Variants in TMCC1 observed in about 807,000 individuals in gnomAD.
TMCC1 encodes transmembrane and coiled-coil domains protein 1.
Under a neutral mutation model 52.4 loss-of-function variants are expected in TMCC1, and 15 were observed. The ratio of observed to expected loss-of-function variants is 0.29; its 90% CI spans 0.19 to 0.44. The LOEUF is 0.44. TMCC1 is among the 20% of genes least tolerant of loss of function. TMCC1 has a pLI of 1.00. For synonymous variants in TMCC1, 279 were observed against 301.9 expected (o/e 0.92, Z 0.79); for missense variants, 503 against 806.0 (o/e 0.62, Z 4.55).
intron 2 of TMCC1, among the ~76,000 whole-genome samples, chr3:129,850,203 C>T (rs1264267187): frequency 6.6e-6 from 1 of 152,174 alleles, no homozygotes; most frequent in Non-Finnish European, 1.5e-5. Flanking sequence ...AACAATTCAA[C>T]TAAACAAATG....
intron 4 of TMCC1, among the ~76,000 whole-genome samples, chr3:129,729,246 T>A (rs1210476734): frequency 6.6e-6 from 1 of 152,228 alleles, no homozygotes; most frequent in African/African-American, 2.4e-5. Context: ...TGTCAGTTTT[T>A]TATTTTAGTC....
chr3:129,671,597 A>C (rs777682845), intron 4 of TMCC1, among the ~76,000 whole-genome samples: 7 of 152,166 alleles, frequency 4.6e-5, no homozygotes, highest in Non-Finnish European at 1.0e-4. Context: ...TTTACACATA[A>C]TTTTTATTCA....
At chr3:129,809,246 CAAAAAAAAAAA>C (rs11418962) in intron 4 of TMCC1, among the ~76,000 whole-genome samples, 1 of 91,414 alleles carries the variant, frequency 1.1e-5, no homozygotes, top group African/African-American at 5.0e-5. Context: ...GATTCCATCT[CAAAAAAAAAAA>C]AAAAAAAAAA....
chr3:129,806,390 G>A (rs757514334), intron 4 of TMCC1, among the ~76,000 whole-genome samples: 4 of 152,190 alleles, frequency 2.6e-5, no homozygotes, highest in Admixed American at 2.0e-4. Flanking sequence ...CTTCCACCTC[G>A]TCTTATGGAA....
chr3:129,665,508 C>T (rs903264698), intron 5 of TMCC1, among the ~76,000 whole-genome samples: 4 of 152,186 alleles, frequency 2.6e-5, no homozygotes, highest in East Asian at 1.9e-4. Context: ...CACTGCTGTA[C>T]TGGCCTAGGA....
chr3:129,678,964 T>C (rs1378131303), intron 4 of TMCC1, among the ~76,000 whole-genome samples: 5 of 152,206 alleles, frequency 3.3e-5, no homozygotes, highest in African/African-American at 1.2e-4. Context: ...GACACTCTTT[T>C]TATACCTGTA....
Position 129,859,377 on chromosome 3 carries a change from A to C in TMCC1, c.-184+20932T>G, listed in dbSNP as rs1355268670. Among the ~76,000 whole-genome samples, 9 of 152,292 alleles carry C rather than the reference A, an allele frequency of 5.9e-5. 1 individual carries two copies. Among genetic ancestry groups the C allele is most frequent in the Non-Finnish European group, 1.3e-4 (9 of 68,020 alleles). ...GGCTGGGTGTGATAGCTCACGCGTT[A>C]TCCCAGCACTTTGTTTTGGGAGGCT... is the stretch of plus-strand genomic sequence containing the variant. On this transcript the variant is annotated intron_variant, in intron 2 of 6. Transcript: ENST00000393238.
chr3:129,735,597 TA>T (rs1349306526), intron 4 of TMCC1, among the ~76,000 whole-genome samples: 1 of 146,290 alleles, frequency 6.8e-6, no homozygotes, highest in Non-Finnish European at 1.5e-5. Context: ...TGCTGTGAAC[TA>T]TGATTGTGCC....
intron 2 of TMCC1, among the ~76,000 whole-genome samples, chr3:129,858,056 G>A (rs1480818969): frequency 6.6e-6 from 1 of 151,824 alleles, no homozygotes; most frequent in Non-Finnish European, 1.5e-5. Flanking sequence ...TCTAAACAAA[G>A]GGAAGTTTTA....
At chr3:129,885,747 G>T (rs995834520) in intron 1 of TMCC1, among the ~76,000 whole-genome samples, 34 of 151,712 alleles carry the variant, frequency 2.2e-4, no homozygotes, top group Non-Finnish European at 4.3e-4. Flanking sequence ...AGGTTTTTTT[G>T]TTTGTTTGTT....
At chr3:129,691,396 G>C (rs1279377614) in intron 4 of TMCC1, among the ~76,000 whole-genome samples, 1 of 151,692 alleles carries the variant, frequency 6.6e-6, no homozygotes, top group Non-Finnish European at 1.5e-5. Flanking sequence ...ATCTGGACCA[G>C]TGAGGTTTTG....
rs116893915 is a variant in TMCC1, at chr3:129,801,794, C to T, written c.576+26009G>A. Among the ~76,000 whole-genome samples the T allele has an allele frequency of 4.3e-4, 65 of 152,352 alleles. No homozygotes were observed. The East Asian group carries it at 0.011, about 26-fold the overall frequency. Reference sequence around the variant, plus strand: ...GGGTAGATGCTAACATATGATCCTACACTCAAGATTCGGCCTAAATTCATT... The same window carrying T: ...GGGTAGATGCTAACATATGATCCTATACTCAAGATTCGGCCTAAATTCATT... On this transcript the variant is annotated intron_variant, in intron 4 of 6. Coordinates refer to ENST00000393238, the MANE Select transcript of TMCC1 (RefSeq NM_001017395.5).
At chr3:129,699,939 C>T (rs531061401) in intron 4 of TMCC1, among the ~76,000 whole-genome samples, 1 of 151,776 alleles carries the variant, frequency 6.6e-6, no homozygotes, top group Non-Finnish European at 1.5e-5. Context: ...TGAAACAAAA[C>T]AAAAAAACCT....
intron 4 of TMCC1, among the ~76,000 whole-genome samples, chr3:129,799,091 A>G (rs2057026147): frequency 6.6e-6 from 1 of 152,226 alleles, no homozygotes; most frequent in South Asian, 2.1e-4. Context: ...GATGTTGGTG[A>G]TCAAAAATTT....
chr3:129,784,363 G>C (rs1010302434), intron 4 of TMCC1, among the ~76,000 whole-genome samples: 1 of 150,836 alleles, frequency 6.6e-6, no homozygotes, highest in Non-Finnish European at 1.5e-5. Context: ...CGGATCACGA[G>C]GTCAGGAAAT....
chr3:129,764,733 TTGTG>T (rs150255907), intron 4 of TMCC1, among the ~76,000 whole-genome samples: 10 of 58,058 alleles, frequency 1.7e-4, no homozygotes, highest in African/African-American at 4.0e-4. Context: ...TCCTATAATA[TTGTG>T]TGTGTGTGTG....
chr3:129,880,832 G>C (rs1336469842), intron 1 of TMCC1, among the ~76,000 whole-genome samples: 1 of 150,942 alleles, frequency 6.6e-6, no homozygotes, highest in Non-Finnish European at 1.5e-5. Context: ...CTGGTCTGAA[G>C]TATATCAGTT....
At chr3:129,721,171 G>GC (rs1232271241) in intron 4 of TMCC1, among the ~76,000 whole-genome samples, 2 of 151,922 alleles carry the variant, frequency 1.3e-5, no homozygotes, top group African/African-American at 4.8e-5. Context: ...AGTTATTCTG[G>GC]CTGTACCCCT....
chr3:129,811,789 CAA>C (rs2057822428), intron 4 of TMCC1, among the ~76,000 whole-genome samples: 1 of 151,332 alleles, frequency 6.6e-6, no homozygotes, highest in Non-Finnish European at 1.5e-5. Flanking sequence ...ACTAAAAATA[CAA>C]AACTTAGCTG....
Sources: gnomAD v4.1 joint callset for allele counts (sites outside exome capture counted in the v4.1 genomes callset) on GRCh38, gnomAD v4.1.1 for gene constraint, MANE v1.5 for transcripts, NCBI Gene and HGNC (gene_info 2026-07-23, HGNC 2026-07-21) for gene names.